Variants in NALF1 observed in about 807,000 individuals in gnomAD.
The protein encoded by NALF1 is family with sequence similarity 155 member A.
In NALF1, 3 loss-of-function variants were observed where a neutral mutation model predicts 48.4. That is an observed-to-expected ratio of 0.06 (90% CI 0.03 to 0.16). The LOEUF (loss-of-function observed/expected upper bound fraction) is 0.16, where lower values mean the gene tolerates loss of function less well. NALF1 is among the 10% of genes least tolerant of loss of function. The pLI is 1.00. For missense variants in NALF1, 526 were observed against 571.5 expected, an observed-to-expected ratio of 0.92 and a Z score of 0.81; for synonymous variants, 262 against 245.7, an observed-to-expected ratio of 1.07 and a Z score of -0.62.
chr13:107,294,472 T>C (rs1443888621), intron 1 of NALF1, among the ~76,000 whole-genome samples: 1 of 152,204 alleles, frequency 6.6e-6, no homozygotes, highest in Admixed American at 6.5e-5. Flanking sequence ...ATGATAACTA[T>C]AACAACACTG....
intron 1 of NALF1, among the ~76,000 whole-genome samples, chr13:107,595,838 TC>T (rs1478792484): frequency 2.0e-5 from 3 of 152,210 alleles, no homozygotes; most frequent in African/African-American, 7.2e-5. Context: ...CAATAGATGA[TC>T]ATGTGATCTC....
At chr13:107,298,393 C>T (rs566187566) in intron 1 of NALF1, among the ~76,000 whole-genome samples, 1 of 129,682 alleles carries the variant, frequency 7.7e-6, no homozygotes, top group East Asian at 2.3e-4. Context: ...CAAAAAGACA[C>T]ACACACACAT....
At chr13:107,555,145 T>C (rs1338587031) in intron 1 of NALF1, among the ~76,000 whole-genome samples, 3 of 152,130 alleles carry the variant, frequency 2.0e-5, no homozygotes, top group Non-Finnish European at 4.4e-5. Flanking sequence ...CTTAATTATA[T>C]TGTAATTCAC....
intron 1 of NALF1, among the ~76,000 whole-genome samples, chr13:107,370,514 T>C (rs796424688): frequency 3.3e-5 from 5 of 152,318 alleles, no homozygotes; most frequent in African/African-American, 1.2e-4. Context: ...CAACATAGCC[T>C]TCAGTTAATG....
intron 1 of NALF1, among the ~76,000 whole-genome samples, chr13:107,812,641 T>C (rs1357888581): frequency 6.6e-6 from 1 of 152,210 alleles, no homozygotes; most frequent in Non-Finnish European, 1.5e-5. Context: ...GTAAAACTTC[T>C]TATGATTGTA....
Position 107,593,818 on chromosome 13 carries a change from G to GAAA in NALF1, c.915+271861_915+271863dup, listed in dbSNP as rs56053087. On this transcript the variant is annotated intron_variant, in intron 1 of 2. Transcript: ENST00000375915. ...ACTGCTTCTGGAATGTTTTCAACAG[G>GAAA]AAAAAAAAAAAAACAGAAACGGAAA... Among the ~76,000 whole-genome samples, 19 of 146,276 alleles carry GAAA rather than the reference G, an allele frequency of 1.3e-4. No individual in the cohort carries two copies. In the East Asian group the frequency reaches 3.0e-3, roughly 23 times the overall value.
intron 1 of NALF1, among the ~76,000 whole-genome samples, chr13:107,647,501 A>T (rs1880344304): frequency 6.6e-6 from 1 of 151,854 alleles, no homozygotes; most frequent in African/African-American, 2.4e-5. Flanking sequence ...CTACTGATGG[A>T]CATATAGATT....
chr13:107,620,014 T>A (rs1310285563), intron 1 of NALF1, among the ~76,000 whole-genome samples: 4 of 152,238 alleles, frequency 2.6e-5, no homozygotes, highest in Non-Finnish European at 4.4e-5. Context: ...CATTATTATG[T>A]AATCTGTCAC....
Position 107,340,202 on chromosome 13 carries a change from G to A in NALF1, c.916-129447C>T, listed in dbSNP as rs530781796. Among the ~76,000 whole-genome samples, 39 of 148,366 alleles carry A rather than the reference G, an allele frequency of 2.6e-4. 1 individual carries two copies. In the South Asian group the frequency reaches 8.1e-3, roughly 31 times the overall value. On this transcript the variant is annotated intron_variant, in intron 1 of 2. Coordinates refer to ENST00000375915, the MANE Select transcript of NALF1 (RefSeq NM_001080396.3). ...TTTTTTTTTTTTTTTAGACAGTGGTGCAATCTCGGCTCACTGCAACCTCTG... is the reference window on the plus strand; with the variant it reads ...TTTTTTTTTTTTTTTAGACAGTGGTACAATCTCGGCTCACTGCAACCTCTG...
intron 1 of NALF1, among the ~76,000 whole-genome samples, chr13:107,758,772 TG>T (rs1877188407): frequency 6.6e-6 from 1 of 152,194 alleles, no homozygotes. Context: ...GCCAAACTTT[TG>T]GCTTCTCCAC....
intron 1 of NALF1, among the ~76,000 whole-genome samples, chr13:107,292,902 C>T (rs898570805): frequency 1.3e-5 from 2 of 152,082 alleles, no homozygotes; most frequent in Admixed American, 6.5e-5. Context: ...ACCATAAACA[C>T]AAGAGTGATG....
chr13:107,762,483 G>C (rs988111432), intron 1 of NALF1, among the ~76,000 whole-genome samples: 4 of 152,060 alleles, frequency 2.6e-5, no homozygotes, highest in Non-Finnish European at 4.4e-5. Context: ...GGTCATGGGA[G>C]AGCACCCCAG....
chr13:107,243,936 A>C (rs16969909), intron 1 of NALF1, among the ~76,000 whole-genome samples: 7,329 of 152,224 alleles, frequency 0.048, 473 homozygotes, highest in African/African-American at 0.14. Flanking sequence ...TACCCTAATT[A>C]ATTGGCTGGA....
chr13:107,671,092 C>A (rs1456818731), intron 1 of NALF1, among the ~76,000 whole-genome samples: 1 of 151,686 alleles, frequency 6.6e-6, no homozygotes, highest in Non-Finnish European at 1.5e-5. Flanking sequence ...TGGAGTAGAA[C>A]AAAAGTAAAT....
intron 1 of NALF1, among the ~76,000 whole-genome samples, chr13:107,848,616 C>CA (rs1880231735): frequency 6.6e-6 from 1 of 152,128 alleles, no homozygotes; most frequent in South Asian, 2.1e-4. Flanking sequence ...ATGAAAAATG[C>CA]AAAAAGTGAT....
At chr13:107,251,450 CT>C (rs938720035) in intron 1 of NALF1, among the ~76,000 whole-genome samples, 1 of 152,146 alleles carries the variant, frequency 6.6e-6, no homozygotes, top group Non-Finnish European at 1.5e-5. Flanking sequence ...GAAGATTGTG[CT>C]TTTTTTACAG....
chr13:107,469,733 C>CTTTTTTTT lies in NALF1; in HGVS notation c.916-258986_916-258979dup, dbSNP rs61241553. Among the ~76,000 whole-genome samples, 25 of 79,970 alleles carry CTTTTTTTT rather than the reference C, an allele frequency of 3.1e-4. 3 individuals carry two copies. The highest frequency in any genetic ancestry group is 5.9e-4 in the African/African-American group (11 of 18,766). 52.5% of individuals were successfully genotyped at this position (79,970 alleles called of 152,430 possible). The stretch of plus-strand genomic sequence containing the variant: ...TAAATGCGATGAGTCAACTGTGTAT[C>CTTTTTTTT]TTTTTTTTTTTTTTTTTTTTTTTTT... On this transcript the variant is annotated intron_variant, in intron 1 of 2. Coordinates refer to ENST00000375915, the MANE Select transcript of NALF1 (RefSeq NM_001080396.3).
chr13:107,560,679 TCA>T (rs900857468), intron 1 of NALF1, among the ~76,000 whole-genome samples: 2 of 152,104 alleles, frequency 1.3e-5, no homozygotes, highest in Non-Finnish European at 2.9e-5. Flanking sequence ...ACATGCACAC[TCA>T]CACACACTCA....
chr13:107,407,357 C>T (rs1298403096), intron 1 of NALF1, among the ~76,000 whole-genome samples: 2 of 152,038 alleles, frequency 1.3e-5, no homozygotes, highest in Non-Finnish European at 2.9e-5. Context: ...AACTACCCAT[C>T]TGACAGGAAA....
Sources: allele counts gnomAD v4.1 joint callset (sites outside exome capture counted in the v4.1 genomes callset), GRCh38; gene constraint gnomAD v4.1.1; transcripts MANE v1.5; gene names NCBI Gene and HGNC (gene_info 2026-07-23, HGNC 2026-07-21).